GFRA1: variants seen among roughly 807,000 people sequenced by gnomAD.
GFRA1 encodes GDNF family receptor alpha-1.
In GFRA1, 16 loss-of-function variants were observed where a neutral mutation model predicts 51.6. The ratio of observed to expected loss-of-function variants is 0.31; its 90% CI spans 0.21 to 0.47. The LOEUF is 0.47. GFRA1 is among the 20% of genes least tolerant of loss of function. GFRA1 has a pLI of 1.00. For synonymous variants in GFRA1, 270 were observed against 241.3 expected (o/e 1.12, Z -1.10); for missense variants, 530 against 594.3 (o/e 0.89, Z 1.13).
At chr10:116,104,913 T>G (rs1956951161) in intron 6 of GFRA1, among the ~76,000 whole-genome samples, 1 of 152,176 alleles carries the variant, frequency 6.6e-6, no homozygotes, top group South Asian at 2.1e-4. Context: ...TCCACTGCCC[T>G]CCACCTATTT....
rs78805526 is a variant in GFRA1, at chr10:116,226,501, C to T, written c.419-14856G>A. On this transcript the variant is annotated intron_variant, in intron 4 of 10. Transcript: ENST00000355422. ...CCGTGAGGGCATCCCCCTTTAGCTC[C>T]GCATTTGTGAGCTCTGTATGGTTCA... 7.8e-4 allele frequency among the ~76,000 whole-genome samples: 119 copies of T among 152,212 alleles called. 3 individuals are homozygous for T. In the East Asian group the frequency reaches 0.021, roughly 26 times the overall value.
chr10:116,085,854 G>A (rs1339364431), intron 9 of GFRA1, among the ~76,000 whole-genome samples: 1 of 152,202 alleles, frequency 6.6e-6, no homozygotes, highest in Admixed American at 6.5e-5. Context: ...TGAAGTCGGA[G>A]CTTTGCCTCT....
intron 6 of GFRA1, among the ~76,000 whole-genome samples, chr10:116,107,147 T>A (rs891791004): frequency 2.0e-5 from 3 of 152,202 alleles, no homozygotes; most frequent in Non-Finnish European, 4.4e-5. Flanking sequence ...ACACACCTAA[T>A]ATACTCAGGC....
At chr10:116,096,203 G>T (rs560903685) in intron 7 of GFRA1, among the ~76,000 whole-genome samples, 1 of 152,234 alleles carries the variant, frequency 6.6e-6, no homozygotes, top group Non-Finnish European at 1.5e-5. Flanking sequence ...CCTGTATTTA[G>T]GGTTTTTATT....
At chr10:116,126,670 C>T (rs1957891386) in intron 5 of GFRA1, among the ~76,000 whole-genome samples, 1 of 152,198 alleles carries the variant, frequency 6.6e-6, no homozygotes, top group Admixed American at 6.5e-5. Context: ...AAGCACTGCA[C>T]AGCTGTGGGA....
chr10:116,246,603 C>A (rs767310347), intron 4 of GFRA1, among the ~76,000 whole-genome samples: 1 of 152,088 alleles, frequency 6.6e-6, no homozygotes, highest in Admixed American at 6.6e-5. Flanking sequence ...AGACACTGAA[C>A]GGACTATTAA....
intron 4 of GFRA1, among the ~76,000 whole-genome samples, chr10:116,250,486 A>G (rs1968243150): frequency 6.6e-6 from 1 of 152,178 alleles, no homozygotes. Flanking sequence ...TTCCTTTTTT[A>G]AAAGAATGAG....
At chr10:116,065,133 A>C (rs1190805225) in intron 10 of GFRA1, among the ~76,000 whole-genome samples, 1 of 152,144 alleles carries the variant, frequency 6.6e-6, no homozygotes, top group Non-Finnish European at 1.5e-5. Flanking sequence ...ACCAGGGCCC[A>C]CACACAGCAG....
intron 5 of GFRA1, among the ~76,000 whole-genome samples, chr10:116,147,196 CAG>C (rs910113284): frequency 1.3e-5 from 2 of 152,046 alleles, no homozygotes; most frequent in African/African-American, 4.8e-5. Context: ...GAGATAGAAA[CAG>C]AGACAGAAAC....
In GFRA1 at chr10:116,154,315, C is replaced by T. The variant is rs568103665; in HGVS notation, c.434-28758G>A. Among the ~76,000 whole-genome samples, 54 of 152,272 alleles carry T rather than the reference C, an allele frequency of 3.5e-4. No individual in the cohort carries two copies. The South Asian group carries it at 0.011, about 30-fold the overall frequency. ...ATTTATAGCCCCAAACTGGATACGACCAAATATCCAACTGTAGAAAGGATA... is the reference window on the plus strand; with the variant it reads ...ATTTATAGCCCCAAACTGGATACGATCAAATATCCAACTGTAGAAAGGATA... On this transcript the variant is annotated intron_variant, in intron 5 of 10. Transcript: ENST00000355422.
At chr10:116,271,841 C>T in intron 2 of GFRA1, 149 bp downstream of exon 2, 2 of 727,736 alleles carry the variant, frequency 2.7e-6, no homozygotes, top group Non-Finnish European at 2.5e-6. Flanking sequence ...CCCGGGGATT[C>T]GCGATCCCAT....
At chr10:116,137,190 T>G (rs1468965867) in intron 5 of GFRA1, among the ~76,000 whole-genome samples, 1 of 152,104 alleles carries the variant, frequency 6.6e-6, no homozygotes, top group African/African-American at 2.4e-5. Context: ...TCTACAAACA[T>G]TGTTCTGGCC....
intron 9 of GFRA1, among the ~76,000 whole-genome samples, chr10:116,077,802 G>T (rs975881234): frequency 2.0e-5 from 3 of 152,092 alleles, no homozygotes; most frequent in Non-Finnish European, 2.9e-5. Context: ...TCGGCAGGCT[G>T]GGGGGGACAG....
intron 5 of GFRA1, among the ~76,000 whole-genome samples, chr10:116,128,218 A>T (rs903891350): frequency 6.6e-6 from 1 of 152,190 alleles, no homozygotes; most frequent in Non-Finnish European, 1.5e-5. Context: ...AATTAATGTT[A>T]TTAGCCTGCA....
At chr10:116,191,109 G>T (rs993071606) in intron 5 of GFRA1, among the ~76,000 whole-genome samples, 1 of 152,152 alleles carries the variant, frequency 6.6e-6, no homozygotes, top group East Asian at 1.9e-4. Flanking sequence ...AGGTTAAAAA[G>T]CAATATTACA....
intron 6 of GFRA1, among the ~76,000 whole-genome samples, chr10:116,106,957 C>T (rs1459335913): frequency 6.6e-6 from 1 of 152,192 alleles, no homozygotes; most frequent in South Asian, 2.1e-4. Context: ...ATGTGAGACA[C>T]CGGCAATCGC....
At position 116,059,642 on chromosome 10, in the gene GFRA1, G is replaced by A. The variant is rs1954706358; in HGVS notation, c.*4756C>T. On this transcript the variant is annotated 3_prime_UTR_variant, in exon 11 of 11. Coordinates refer to ENST00000355422, the MANE Select transcript of GFRA1 (RefSeq NM_005264.8). ...CGCCTTCTCCACCCCTCTGGGCTGG[G>A]TCTCAGAACAATCAGAAGTGCAGGT... The A allele has an allele frequency of 1.3e-5, 2 of 152,188 alleles. No homozygotes were observed. Among genetic ancestry groups the A allele is most frequent in the South Asian group, 4.1e-4 (2 of 4,832 alleles). 9.4% of individuals were successfully genotyped at this position (152,188 alleles called of 1,614,324 possible). A position where few individuals can be genotyped will look rare whatever the true frequency, so the allele number is the denominator to read the frequency against.
intron 5 of GFRA1, among the ~76,000 whole-genome samples, chr10:116,169,818 A>G (rs1281093781): frequency 6.6e-6 from 1 of 152,174 alleles, no homozygotes; most frequent in Non-Finnish European, 1.5e-5. Context: ...GGGTGCAAGA[A>G]GCTGTCACAG....
chr10:116,069,336 C>T (rs1239787763), intron 9 of GFRA1, among the ~76,000 whole-genome samples: 1 of 152,038 alleles, frequency 6.6e-6, no homozygotes, highest in East Asian at 1.9e-4. Flanking sequence ...GGGGAAGCTG[C>T]CTGACTCTAA....
Sources: gnomAD v4.1 joint callset for allele counts (sites outside exome capture counted in the v4.1 genomes callset) on GRCh38, gnomAD v4.1.1 for gene constraint, MANE v1.5 for transcripts, NCBI Gene and HGNC (gene_info 2026-07-23, HGNC 2026-07-21) for gene names.